Variants in CTNNA2 observed in about 807,000 individuals in gnomAD.
CTNNA2 encodes the protein catenin alpha-2.
A neutral mutation model predicts 101.0 loss-of-function variants in CTNNA2; 42 were observed. The ratio of observed to expected loss-of-function variants is 0.42; its 90% CI spans 0.32 to 0.54. The LOEUF (loss-of-function observed/expected upper bound fraction) is 0.54. CTNNA2 is among the 20% of genes least tolerant of loss of function. CTNNA2 has a pLI of 0.14. For missense variants in CTNNA2, 871 were observed against 1,223.1 expected (o/e 0.71, Z 4.29); for synonymous variants, 450 against 456.4 (o/e 0.99, Z 0.18).
chr2:79,602,575 C>G (rs1677617948), intron 1 of CTNNA2, among the ~76,000 whole-genome samples: 2 of 151,994 alleles, frequency 1.3e-5, no homozygotes, highest in Non-Finnish European at 2.9e-5. Context: ...AAACTGTTAC[C>G]ATTATTAAAT....
intron 1 of CTNNA2, among the ~76,000 whole-genome samples, chr2:79,544,892 A>C (rs1673637405): frequency 6.6e-6 from 1 of 152,154 alleles, no homozygotes; most frequent in Non-Finnish European, 1.5e-5. Context: ...AACTCCATTC[A>C]AAGGACATCT....
At chr2:80,489,507 G>A (rs1267830890) in intron 9 of CTNNA2, among the ~76,000 whole-genome samples, 1 of 152,224 alleles carries the variant, frequency 6.6e-6, no homozygotes, top group South Asian at 2.1e-4. Context: ...TTAGCCTCAG[G>A]TTGCTGGAAA....
intron 9 of CTNNA2, among the ~76,000 whole-genome samples, chr2:80,478,402 C>T (rs1364962475): frequency 1.3e-5 from 2 of 151,906 alleles, no homozygotes; most frequent in African/African-American, 4.8e-5. Context: ...GTTTAAGTCC[C>T]ATTTATTTCT....
chr2:80,093,088 T>C (rs947235687), intron 7 of CTNNA2, among the ~76,000 whole-genome samples: 5 of 152,054 alleles, frequency 3.3e-5, no homozygotes, highest in Admixed American at 1.3e-4. Context: ...ATGTGCCATG[T>C]TGGTGTGCCG....
At chr2:79,999,766 C>G (rs1479007289) in intron 7 of CTNNA2, among the ~76,000 whole-genome samples, 1 of 152,114 alleles carries the variant, frequency 6.6e-6, no homozygotes, top group African/African-American at 2.4e-5. Flanking sequence ...AGCCCGTGCT[C>G]TGTTATAGCT....
At chr2:79,380,572 A>G (rs145872226) in intron 4 of CTNNA2, among the ~76,000 whole-genome samples, 20 of 152,268 alleles carry the variant, frequency 1.3e-4, no homozygotes, top group African/African-American at 4.1e-4. Context: ...TCAAGCTTTG[A>G]TTACCCTTCC....
At chr2:80,199,469 C>A (rs370138391) in intron 7 of CTNNA2, among the ~76,000 whole-genome samples, 1 of 152,074 alleles carries the variant, frequency 6.6e-6, no homozygotes, top group Non-Finnish European at 1.5e-5. Flanking sequence ...ATATTTCAGC[C>A]AAAAGAAATG....
intron 4 of CTNNA2, among the ~76,000 whole-genome samples, chr2:79,432,731 G>A (rs1678671255): frequency 6.6e-6 from 1 of 152,186 alleles, no homozygotes; most frequent in Admixed American, 6.5e-5. Context: ...TTGGAAGGCT[G>A]TGGTATTGCC....
intron 7 of CTNNA2, among the ~76,000 whole-genome samples, chr2:80,025,942 G>C (rs1343769344): frequency 6.6e-6 from 1 of 152,156 alleles, no homozygotes; most frequent in Non-Finnish European, 1.5e-5. Context: ...CATGCAAGTA[G>C]GGGCAAAAAG....
chr2:79,414,588 G>A (rs1377034379), intron 4 of CTNNA2, among the ~76,000 whole-genome samples: 1 of 152,094 alleles, frequency 6.6e-6, no homozygotes, highest in African/African-American at 2.4e-5. Context: ...TGCTCCCGTT[G>A]AGTAGGACCT....
At chr2:79,889,371 A>G (rs942381278) in intron 6 of CTNNA2, among the ~76,000 whole-genome samples, 1 of 152,192 alleles carries the variant, frequency 6.6e-6, no homozygotes, top group Admixed American at 6.5e-5. Flanking sequence ...CTGATTGTAT[A>G]AATTCATTGA....
At chr2:79,415,158 G>A (rs1035947045) in intron 4 of CTNNA2, among the ~76,000 whole-genome samples, 1 of 152,072 alleles carries the variant, frequency 6.6e-6, no homozygotes, top group Non-Finnish European at 1.5e-5. Context: ...CTCATGAATG[G>A]CTTCTTGCCA....
chr2:80,229,917 T>C (rs1709097728), intron 7 of CTNNA2, among the ~76,000 whole-genome samples: 1 of 152,154 alleles, frequency 6.6e-6, no homozygotes, highest in Admixed American at 6.5e-5. Context: ...TTTTGGCCAA[T>C]GAGGGACTCC....
intron 3 of CTNNA2, among the ~76,000 whole-genome samples, chr2:79,360,428 G>C (rs559722066): frequency 6.3e-4 from 96 of 152,298 alleles, no homozygotes; most frequent in African/African-American, 2.2e-3. Context: ...CTGGGTGAAA[G>C]TGTCATGTGG....
At chr2:79,261,861 A>G (rs1674926473) in intron 2 of CTNNA2, among the ~76,000 whole-genome samples, 1 of 152,222 alleles carries the variant, frequency 6.6e-6, no homozygotes, top group East Asian at 1.9e-4. Flanking sequence ...AGGTATGAAA[A>G]CTGTTCAGCT....
At chr2:79,380,300 T>G (rs1489259166) in intron 4 of CTNNA2, among the ~76,000 whole-genome samples, 1 of 151,574 alleles carries the variant, frequency 6.6e-6, no homozygotes, top group Admixed American at 6.6e-5. Context: ...AAGACCCAGG[T>G]TGTTCAGGGA....
At chr2:79,304,103 C>A (rs922815024) in intron 2 of CTNNA2, among the ~76,000 whole-genome samples, 2 of 152,032 alleles carry the variant, frequency 1.3e-5, no homozygotes, top group Non-Finnish European at 2.9e-5. Context: ...ATCTAGCTGT[C>A]CTTTACGGAT....
chr2:80,133,525 A>G (rs1034781913), intron 7 of CTNNA2, among the ~76,000 whole-genome samples: 5 of 152,170 alleles, frequency 3.3e-5, no homozygotes, highest in Admixed American at 2.0e-4. Flanking sequence ...ATATAGAGTA[A>G]AGGAATGTTG....
intron 7 of CTNNA2, among the ~76,000 whole-genome samples, chr2:79,995,945 T>G (rs534156105): frequency 7.2e-5 from 11 of 152,286 alleles, no homozygotes; most frequent in African/African-American, 2.6e-4. Context: ...AAGCTACCTA[T>G]TTTTGCTTTA....
Sources: gnomAD v4.1 joint callset for allele counts (sites outside exome capture counted in the v4.1 genomes callset) on GRCh38, gnomAD v4.1.1 for gene constraint, MANE v1.5 for transcripts, NCBI Gene and HGNC (gene_info 2026-07-23, HGNC 2026-07-21) for gene names.